The following NCOA2 variants were observed in gnomAD, a reference collection of about 807,000 sequenced individuals.
NCOA2 encodes nuclear receptor coactivator 2.
NCOA2 carries 21 observed loss-of-function variants against 145.1 expected under a neutral mutation model. The observed-to-expected ratio is 0.14, with a 90% CI of 0.10 to 0.21. The LOEUF (loss-of-function observed/expected upper bound fraction) is 0.21. NCOA2 is among the 10% of genes least tolerant of loss of function. The pLI is 1.00. For missense variants in NCOA2, 1,472 were observed against 1,837.6 expected, an observed-to-expected ratio of 0.80 and a Z score of 3.64; for synonymous variants, 619 against 637.5, an observed-to-expected ratio of 0.97 and a Z score of 0.44.
chr8:70,127,273 G>A (rs765355512), intron 18 of NCOA2, among the ~76,000 whole-genome samples: 2 of 151,228 alleles, frequency 1.3e-5, no homozygotes, highest in African/African-American at 4.9e-5. Flanking sequence ...TGACTCAGCA[G>A]AGTTAAGTTT....
chr8:70,373,848 G>T (rs985253722), intron 1 of NCOA2, among the ~76,000 whole-genome samples: 3 of 152,118 alleles, frequency 2.0e-5, no homozygotes, highest in Non-Finnish European at 4.4e-5. Flanking sequence ...GCTATATTCT[G>T]CTCCATTGAT....
chr8:70,271,704 T>C (rs1825060465), intron 2 of NCOA2, among the ~76,000 whole-genome samples: 1 of 152,268 alleles, frequency 6.6e-6, no homozygotes, highest in Non-Finnish European at 1.5e-5. Flanking sequence ...CAGTACAGGA[T>C]GGCCAGGTCC....
At chr8:70,348,673 A>G (rs75344893) in intron 1 of NCOA2, among the ~76,000 whole-genome samples, 2 of 152,112 alleles carry the variant, frequency 1.3e-5, no homozygotes, top group Admixed American at 1.3e-4. Context: ...AAGATAAGAG[A>G]GAAGAGTCTC....
chr8:70,143,729 T>C (rs1385463365), intron 13 of NCOA2, among the ~76,000 whole-genome samples: 2 of 152,220 alleles, frequency 1.3e-5, no homozygotes, highest in African/African-American at 2.4e-5. Flanking sequence ...AATGTGTGTA[T>C]AGGGATACAG....
intron 1 of NCOA2, among the ~76,000 whole-genome samples, chr8:70,298,719 T>C (rs996288833): frequency 1.3e-5 from 2 of 152,166 alleles, no homozygotes; most frequent in Admixed American, 6.5e-5. Context: ...TAAGCTTTTA[T>C]TAATAAGCTA....
intron 2 of NCOA2, among the ~76,000 whole-genome samples, chr8:70,292,000 G>C (rs560206363): frequency 3.3e-5 from 5 of 151,570 alleles, no homozygotes; most frequent in African/African-American, 1.2e-4. Flanking sequence ...GCATGAACCT[G>C]GGAGGCGGAG....
At chr8:70,378,447 A>G (rs1811879666) in intron 1 of NCOA2, among the ~76,000 whole-genome samples, 4 of 152,138 alleles carry the variant, frequency 2.6e-5, no homozygotes, top group African/African-American at 7.2e-5. Context: ...ATTATAAAGT[A>G]GGAGATCCCC....
At chr8:70,340,679 G>A (rs1808049521) in intron 1 of NCOA2, among the ~76,000 whole-genome samples, 1 of 152,040 alleles carries the variant, frequency 6.6e-6, no homozygotes, top group South Asian at 2.1e-4. Context: ...CAATAGCAAA[G>A]ACATGGAATC....
At chr8:70,416,309 T>C in the NCOA2 span, among the ~76,000 whole-genome samples, 1 of 152,102 alleles carries the variant, frequency 6.6e-6, no homozygotes, top group African/African-American at 2.4e-5. Context: ...AGACTAGTGT[T>C]TGGCCAAACA....
chr8:70,195,791 C>G (rs754794242), intron 4 of NCOA2, among the ~76,000 whole-genome samples: 1 of 152,194 alleles, frequency 6.6e-6, no homozygotes, highest in Non-Finnish European at 1.5e-5. Context: ...CCGCTTACAA[C>G]TTTCTTCCCA....
intron 2 of NCOA2, among the ~76,000 whole-genome samples, chr8:70,282,735 A>T (rs1160010197): frequency 2.0e-5 from 3 of 151,444 alleles, no homozygotes; most frequent in African/African-American, 7.3e-5. Flanking sequence ...GTTTCTTCCC[A>T]ATCATAAAAT....
At chr8:70,289,607 G>T (rs1227962827) in intron 2 of NCOA2, among the ~76,000 whole-genome samples, 1 of 151,930 alleles carries the variant, frequency 6.6e-6, no homozygotes, top group Non-Finnish European at 1.5e-5. Context: ...TAAAATTTAT[G>T]TAACTGGCAC....
At chr8:70,283,882 G>A (rs1260764886) in intron 2 of NCOA2, among the ~76,000 whole-genome samples, 1 of 152,118 alleles carries the variant, frequency 6.6e-6, no homozygotes, top group Non-Finnish European at 1.5e-5. Flanking sequence ...TGAGATTTTG[G>A]AGGATTTCAG....
At chr8:70,325,305 A>T (rs1806456388) in intron 1 of NCOA2, among the ~76,000 whole-genome samples, 1 of 152,216 alleles carries the variant, frequency 6.6e-6, no homozygotes. Flanking sequence ...TTTTTCAGAA[A>T]AGTAGTAACA....
At chr8:70,391,336 A>G (rs1813187624) in intron 1 of NCOA2, among the ~76,000 whole-genome samples, 1 of 152,206 alleles carries the variant, frequency 6.6e-6, no homozygotes, top group African/African-American at 2.4e-5. Flanking sequence ...CCTTAATCTG[A>G]GCCTAAAACA....
At chr8:70,323,303 A>G (rs181952388) in intron 1 of NCOA2, among the ~76,000 whole-genome samples, 4 of 152,396 alleles carry the variant, frequency 2.6e-5, no homozygotes, top group Admixed American at 2.6e-4. Context: ...ATGTTTTAGT[A>G]TAATGGCTAG....
chr8:70,272,452 T>C (rs1047809060), intron 2 of NCOA2, among the ~76,000 whole-genome samples: 1 of 152,232 alleles, frequency 6.6e-6, no homozygotes, highest in Non-Finnish European at 1.5e-5. Flanking sequence ...ATGTTTCTGG[T>C]TATACTATCA....
intron 10 of NCOA2, 50 bp from the exon 11 acceptor site, chr8:70,157,290 G>C (rs901323165): frequency 1.4e-6 from 2 of 1,467,838 alleles, no homozygotes; most frequent in African/African-American, 2.8e-5. Context: ...AAAATACTTA[G>C]CAAGTTGTTA....
intron 4 of NCOA2, among the ~76,000 whole-genome samples, chr8:70,193,179 T>A (rs555789241): frequency 6.6e-6 from 1 of 151,684 alleles, no homozygotes; most frequent in Non-Finnish European, 1.5e-5. Context: ...AAAAGAACTA[T>A]CTATCATTAC....
Sources: allele counts gnomAD v4.1 joint callset (sites outside exome capture counted in the v4.1 genomes callset), GRCh38; gene constraint gnomAD v4.1.1; transcripts MANE v1.5; gene names NCBI Gene and HGNC (gene_info 2026-07-23, HGNC 2026-07-21).